Variants in MAPK8IP3 observed in about 807,000 individuals in gnomAD.
MAPK8IP3 encodes the protein mitogen-activated protein kinase 8 interacting protein 3.
Under a neutral mutation model 157.8 loss-of-function variants are expected in MAPK8IP3, and 49 were observed. The observed-to-expected ratio is 0.31, with a 90% CI of 0.25 to 0.39. The LOEUF (loss-of-function observed/expected upper bound fraction) is 0.39. Ranked by LOEUF, MAPK8IP3 falls within the 10% of genes least tolerant of loss-of-function variation. The pLI is 1.00. For missense variants in MAPK8IP3, 1,478 were observed against 1,889.4 expected (o/e 0.78, Z 4.04); for synonymous variants, 897 against 777.7 (o/e 1.15, Z -2.55).
intron 26 of MAPK8IP3, 133 bp downstream of exon 26, chr16:1,767,430 C>G: frequency 6.7e-7 from 1 of 1,500,036 alleles, no homozygotes; most frequent in Non-Finnish European, 9.1e-7. Context: ...GACTCAGGCT[C>G]GAACAGGCGC....
chr16:1,725,293 T>C (rs1002874701), intron 2 of MAPK8IP3, among the ~76,000 whole-genome samples: 1 of 151,042 alleles, frequency 6.6e-6, no homozygotes, highest in African/African-American at 2.4e-5. Flanking sequence ...TGGGCTGAGG[T>C]TGATACTGCC....
intron 6 of MAPK8IP3, 26 bp downstream of exon 6, chr16:1,747,301 G>C (rs1472996304): frequency 1.2e-6 from 2 of 1,605,228 alleles, no homozygotes; most frequent in East Asian, 4.5e-5. Flanking sequence ...CGGGACTCTG[G>C]GCTCCCTCGG....
At chr16:1,752,383 C>G in intron 8 of MAPK8IP3, 1 of 256,334 alleles carries the variant, frequency 3.9e-6, no homozygotes, top group South Asian at 3.0e-5. Context: ...GCTGGCACGA[C>G]AGGCTGCTCT....
rs1246193880 is a variant in MAPK8IP3, at chr16:1,766,619, C to T, written c.2910C>T (p.Pro970=). The T allele has an allele frequency of 4.3e-6, 7 of 1,612,286 alleles. No homozygotes were observed. Among genetic ancestry groups the T allele is most frequent in the Non-Finnish European group, 5.1e-6 (6 of 1,179,838 alleles). Residue 970 remains proline (P), a synonymous_variant, in exon 23 of 32, where the codon CCC becomes CCT. Transcript: ENST00000610761. ...CGGGAGCAGGCAGCAGTGCTGCACC[C>T]ACCATGTGGCTGGGAGCCCAGAACG... ...DPTGAGSSAA[P]TMWLGAQNGW...
chr16:1,706,320 T>C lies in MAPK8IP3; in HGVS notation c.-20T>C. The C allele has an allele frequency of 6.5e-7, 1 of 1,535,138 alleles. No individual in the cohort carries two copies. The highest frequency in any genetic ancestry group is 8.8e-7 in the Non-Finnish European group (1 of 1,140,808). Reference sequence around the variant, plus strand: ...GCGCCGGCCGGATAGCGAGCCGCGCTGGCGGCGGCGGTGGCCGCGATGATG... The same window carrying C: ...GCGCCGGCCGGATAGCGAGCCGCGCCGGCGGCGGCGGTGGCCGCGATGATG... On this transcript the variant is annotated 5_prime_UTR_variant, in exon 1 of 32. Transcript: ENST00000610761. The surrounding 1 kb of genome is among the most constrained non-coding windows in gnomAD (Gnocchi z 5.1).
chr16:1,752,014 C>G (rs1486001312), intron 8 of MAPK8IP3: 1 of 152,440 alleles, frequency 6.6e-6, no homozygotes, highest in African/African-American at 2.4e-5. Context: ...ACTCTGACCC[C>G]CGCCCGGCTC....
At chr16:1,757,503 G>A (rs893812514) in intron 8 of MAPK8IP3, among the ~76,000 whole-genome samples, 13 of 152,316 alleles carry the variant, frequency 8.5e-5, no homozygotes, top group South Asian at 6.2e-4. Context: ...TTTTCCCGCA[G>A]AGCGTTTCCC....
rs1224362476 is a variant in MAPK8IP3 at position 1,766,746 on chromosome 16, C to T, written c.2963C>T (p.Ala988Val). 6 of 1,612,840 alleles carry T rather than the reference C, an allele frequency of 3.7e-6. No homozygotes were observed. Among genetic ancestry groups the T allele is most frequent in the Non-Finnish European group, 4.2e-6 (5 of 1,179,924 alleles). Residue 988 changes from alanine to valine, a missense_variant, in exon 24 of 32, where the codon GCC becomes GTC. By Grantham distance (64) the Ala-to-Val change is moderately conservative (BLOSUM62 0). Around this residue, in one of 11 missense-constraint regions of MAPK8IP3, gnomAD observed 669 missense variants for 759.8 expected, o/e 0.88. Coordinates refer to ENST00000610761, the MANE Select transcript of MAPK8IP3 (RefSeq NM_001318852.2). ...AGGCTCTATGTGCACTCGGCTGTGG[C>T]CAACTGGAAGAAGTGCCTGCACTCC... is the stretch of plus-strand genomic sequence containing the variant. The part of the protein sequence containing the change: ...NGWLYVHSAV[A>V]NWKKCLHSIK...
chr16:1,762,616 T>C, intron 14 of MAPK8IP3, 59 bp from the exon 15 acceptor site: 1 of 1,543,044 alleles, frequency 6.5e-7, no homozygotes, highest in Non-Finnish European at 8.8e-7. Flanking sequence ...AGCCAGAGAG[T>C]CGCAGGTAAG....
At chr16:1,760,139 T>A (rs1421158624) in intron 11 of MAPK8IP3, 124 bp downstream of exon 11, 7 of 1,127,644 alleles carry the variant, frequency 6.2e-6, no homozygotes, top group Non-Finnish European at 9.2e-6. Flanking sequence ...GCTGTCCTCA[T>A]CTCTGGCGGG....
rs1172138070 is a variant in MAPK8IP3 at position 1,735,622 on chromosome 16, CATCCGTGTGACT to C, written c.602+6045_602+6056del. On this transcript the variant is annotated intron_variant, in intron 4 of 31. Coordinates refer to ENST00000610761, the MANE Select transcript of MAPK8IP3 (RefSeq NM_001318852.2). The stretch of plus-strand genomic sequence containing the variant: ...GCATCCGTGTGACCATCCGTGTGAG[CATCCGTGTGACT>C]GTCCATGTGAGTGTGACCATCCATG... 7.6e-4 allele frequency among the ~76,000 whole-genome samples: 102 copies of C among 134,610 alleles called. 1 individual carries two copies. Among genetic ancestry groups the C allele is most frequent in the African/African-American group, 2.1e-3 (72 of 34,124 alleles). The allele number at this position is 134,610 out of a possible 152,430, so 88.3% of individuals were successfully genotyped here.
rs762618003 is a variant in MAPK8IP3, at chr16:1,747,265, C to T, written c.984C>T (p.Asn328=). The change falls in exon 6 of 32, where the codon AAC becomes AAT. Residue 328 remains asparagine, a synonymous_variant. Coordinates refer to ENST00000610761, the MANE Select transcript of MAPK8IP3 (RefSeq NM_001318852.2). The stretch of plus-strand genomic sequence containing the variant: ...TACAGGTCACCCAGGAGATGCGCAA[C>T]GTCAGTATAGGTGGGTGCCCACCTC... ...MEVQVTQEMR[N]VSIGMGSSDE... 1.6e-5 allele frequency: 26 copies of T among 1,613,374 alleles called. No homozygotes were observed. The highest frequency in any genetic ancestry group is 2.2e-5 in the South Asian group (2 of 91,088).
Position 1,742,842 on chromosome 16 carries a change from G to C in MAPK8IP3, c.603-490G>C, listed in dbSNP as rs1356799798. On this transcript the variant is annotated intron_variant, in intron 4 of 31. Transcript: ENST00000610761. This position sits in a 1 kb window ranked among gnomAD's most constrained non-coding sequence, Gnocchi z 5.0. The stretch of plus-strand genomic sequence containing the variant: ...TGTGTCTGTTTAAAATTGAACTTAG[G>C]CCGGGCGCGGTGGCTCACGCCTGTA... Among the ~76,000 whole-genome samples the C allele has an allele frequency of 6.6e-6, 1 of 152,168 alleles. No homozygotes were observed. The highest frequency in any genetic ancestry group is 1.9e-4 in the East Asian group (1 of 5,176).
intron 2 of MAPK8IP3, among the ~76,000 whole-genome samples, chr16:1,726,617 A>G (rs1224890658): frequency 6.6e-6 from 1 of 152,200 alleles, no homozygotes; most frequent in Non-Finnish European, 1.5e-5. Flanking sequence ...GAGAGGCTGC[A>G]GTAAGCCTTG....
chr16:1,744,246 C>T (rs2040840040), intron 5 of MAPK8IP3: 2 of 985,510 alleles, frequency 2.0e-6, no homozygotes, highest in South Asian at 4.7e-5. Flanking sequence ...GTGGATTTCC[C>T]ACAGGGGCCG....
chr16:1,764,689 G>A (rs1292206305), intron 19 of MAPK8IP3, among the ~76,000 whole-genome samples: 1 of 152,160 alleles, frequency 6.6e-6, no homozygotes, highest in Admixed American at 6.5e-5. Context: ...CCTGCACTGG[G>A]CTGCAGGGGT....
intron 2 of MAPK8IP3, among the ~76,000 whole-genome samples, chr16:1,726,015 T>C (rs2038854745): frequency 6.6e-6 from 1 of 152,248 alleles, no homozygotes; most frequent in South Asian, 2.1e-4. Flanking sequence ...ACCAATCGGC[T>C]GCGGTTTCCC....
chr16:1,719,317 G>A (rs528143037), intron 1 of MAPK8IP3, among the ~76,000 whole-genome samples: 9 of 152,020 alleles, frequency 5.9e-5, no homozygotes, highest in Admixed American at 3.3e-4. Context: ...CCTTCCTAAG[G>A]GACAGAGACC....
chr16:1,724,433 C>T lies in MAPK8IP3; in HGVS notation c.319-124C>T. 7.5e-7 allele frequency: 1 copy of T among 1,339,940 alleles called. No individual in the cohort carries two copies. The highest frequency in any genetic ancestry group is 1.0e-6 in the Non-Finnish European group (1 of 988,130). 83.0% of individuals were successfully genotyped at this position (1,339,940 alleles called of 1,614,324 possible). On this transcript the variant is annotated intron_variant, in intron 1 of 31. Coordinates refer to ENST00000610761, the MANE Select transcript of MAPK8IP3 (RefSeq NM_001318852.2). The surrounding 1 kb of genome is among the most constrained non-coding windows in gnomAD (Gnocchi z 4.1). ...GCCCCCATTCCGGCCTGGCCATGGG[C>T]CAGCTTGTGGCCCTGGGGACATCTT...
Sources: allele counts gnomAD v4.1 joint callset (sites outside exome capture counted in the v4.1 genomes callset), GRCh38; gene constraint gnomAD v4.1.1; regional missense constraint gnomAD v4.1.1; non-coding constraint Gnocchi (gnomAD v3.1); transcripts MANE v1.5; gene names NCBI Gene and HGNC (gene_info 2026-07-23, HGNC 2026-07-21).